The following AFF2 variants were observed in gnomAD, a reference collection of about 807,000 sequenced individuals.
AFF2 encodes ALF transcription elongation factor 2.
Under a neutral mutation model 76.9 loss-of-function variants are expected in AFF2, and 14 were observed. The ratio of observed to expected loss-of-function variants is 0.18; its 90% CI spans 0.12 to 0.28. The LOEUF is 0.28. Among genes scored for constraint, AFF2 ranks in the 10% least tolerant of loss-of-function variants. The pLI is 1.00. For synonymous variants in AFF2, 398 were observed against 366.7 expected (o/e 1.09, Z -0.98); for missense variants, 868 against 1,001.1 (o/e 0.87, Z 1.79).
intron 7 of AFF2, among the ~76,000 whole-genome samples, chrX:148,845,969 A>G (rs1029997943): frequency 8.9e-6 from 1 of 111,950 alleles, no homozygotes; most frequent in Non-Finnish European, 1.9e-5. Flanking sequence ...CAAAATGCAG[A>G]TCTTCCATTG....
intron 9 of AFF2, among the ~76,000 whole-genome samples, chrX:148,932,674 C>T (rs1170726975): frequency 9.0e-6 from 1 of 111,601 alleles, no homozygotes; most frequent in Non-Finnish European, 1.9e-5. Context: ...GTGAAGTACT[C>T]AACCCCCCTA....
chrX:148,894,455 T>G (rs1258892716), intron 8 of AFF2, among the ~76,000 whole-genome samples: 2 of 111,827 alleles, frequency 1.8e-5, no homozygotes, highest in Non-Finnish European at 3.8e-5. Context: ...CAGAAGAGTT[T>G]CCAAATTTGA....
At chrX:148,664,898 T>C (rs922007882) in intron 3 of AFF2, among the ~76,000 whole-genome samples, 1 of 112,701 alleles carries the variant, frequency 8.9e-6, no homozygotes, top group African/African-American at 3.2e-5. Flanking sequence ...TGTTCTGTCA[T>C]TGAGAAATCC....
intron 1 of AFF2, among the ~76,000 whole-genome samples, chrX:148,534,374 C>A (rs782232740): frequency 6.2e-5 from 7 of 112,603 alleles, no homozygotes; most frequent in Non-Finnish European, 1.3e-4. Context: ...GGTGAAAGTT[C>A]TTTGGAATAT....
At chrX:148,854,479 G>A (rs1557275721) in intron 7 of AFF2, among the ~76,000 whole-genome samples, 1 of 111,510 alleles carries the variant, frequency 9.0e-6, no homozygotes, top group Admixed American at 9.5e-5. Context: ...GATACTAAGA[G>A]AAGATACTGC....
At chrX:148,672,812 T>A (rs1159825615) in intron 3 of AFF2, among the ~76,000 whole-genome samples, 3 of 111,768 alleles carry the variant, frequency 2.7e-5, no homozygotes, top group African/African-American at 6.5e-5. Flanking sequence ...AGTTTTTGTG[T>A]CTTTAGTGGG....
intron 7 of AFF2, among the ~76,000 whole-genome samples, chrX:148,849,021 G>C (rs1285127445): frequency 9.0e-6 from 1 of 111,378 alleles, no homozygotes; most frequent in Non-Finnish European, 1.9e-5. Flanking sequence ...TCCTTGAGAA[G>C]AGTAATCAGA....
At chrX:148,582,270 C>T (rs1487203888) in intron 1 of AFF2, among the ~76,000 whole-genome samples, 6 of 111,014 alleles carry the variant, frequency 5.4e-5, no homozygotes, top group African/African-American at 1.6e-4. Flanking sequence ...AAGCTTGTCA[C>T]GATAATGCCA....
intron 3 of AFF2, among the ~76,000 whole-genome samples, chrX:148,767,796 TAA>T (rs1469744083): frequency 6.2e-4 from 70 of 112,371 alleles, no homozygotes; most frequent in African/African-American, 2.2e-3. Flanking sequence ...TTAATGCTTT[TAA>T]ATTAGCAATA....
chrX:148,535,311 A>T (rs1557236420), intron 1 of AFF2, among the ~76,000 whole-genome samples: 1 of 112,128 alleles, frequency 8.9e-6, no homozygotes, highest in African/African-American at 3.2e-5. Context: ...TTCCTTACAA[A>T]ACAGTTTTTT....
chrX:148,721,316 T>A (rs1326342467), intron 3 of AFF2, among the ~76,000 whole-genome samples: 2 of 112,110 alleles, frequency 1.8e-5, no homozygotes, highest in Non-Finnish European at 1.9e-5. Flanking sequence ...CAACACTGGC[T>A]CTACCATTTA....
intron 4 of AFF2, among the ~76,000 whole-genome samples, chrX:148,821,202 A>G (rs2070323886): frequency 9.0e-6 from 1 of 111,683 alleles, no homozygotes; most frequent in African/African-American, 3.3e-5. Context: ...AAAGTGAGAT[A>G]ATATGCCCTA....
At chrX:148,515,507 G>T (rs2052525585) in intron 1 of AFF2, among the ~76,000 whole-genome samples, 1 of 111,881 alleles carries the variant, frequency 8.9e-6, no homozygotes, top group African/African-American at 3.3e-5. Flanking sequence ...CTGATACTTT[G>T]TATCCCTCCA....
In AFF2 at chrX:148,860,934, A is replaced by G. The variant is rs1204648547; in HGVS notation, c.1262+17501A>G. Among the ~76,000 whole-genome samples, 3 of 111,804 alleles carry G rather than the reference A, an allele frequency of 2.7e-5. No homozygotes were observed. The Admixed American group carries it at 2.9e-4, about 11-fold the overall frequency. ...CATAAGGTAATTCTGAAGTGGTTGT[A>G]CAGAGTTAATCCTGGGTCTTTTATT... On this transcript the variant is annotated intron_variant, in intron 7 of 20. Coordinates refer to ENST00000370460, the MANE Select transcript of AFF2 (RefSeq NM_002025.4).
At position 148,838,597 on chromosome X, in the gene AFF2, G is replaced by A. The variant is rs182820717; in HGVS notation, c.1173+864G>A. ...AAGAAGGGGCCAAGAGAAGAATACC[G>A]CATGCATAAGACTAGTGTGAGCAAG... On this transcript the variant is annotated intron_variant, in intron 5 of 20. Coordinates refer to ENST00000370460, the MANE Select transcript of AFF2 (RefSeq NM_002025.4). Among the ~76,000 whole-genome samples the A allele has an allele frequency of 9.1e-4, 102 of 111,702 alleles. 4 individuals are homozygous for A. In the South Asian group the frequency reaches 0.036, roughly 39 times the overall value.
chrX:148,580,727 A>T (rs1429543730), intron 1 of AFF2, among the ~76,000 whole-genome samples: 6 of 80,337 alleles, frequency 7.5e-5, no homozygotes, highest in African/African-American at 2.6e-4. Context: ...TTATATATAT[A>T]TATGTGTGTG....
chrX:148,631,689 G>C (rs1475718446), intron 1 of AFF2, among the ~76,000 whole-genome samples: 1 of 112,521 alleles, frequency 8.9e-6, no homozygotes, highest in Non-Finnish European at 1.9e-5. Flanking sequence ...TTGAAAGGCA[G>C]GGGGAGGAGG....
intron 4 of AFF2, among the ~76,000 whole-genome samples, chrX:148,833,734 A>T (rs2124662819): frequency 8.9e-6 from 1 of 112,225 alleles, no homozygotes; most frequent in African/African-American, 3.2e-5. Flanking sequence ...TGTCTGTGAA[A>T]AGGGTGTGAG....
intron 1 of AFF2, among the ~76,000 whole-genome samples, chrX:148,585,542 T>C (rs1213386000): frequency 1.8e-5 from 2 of 111,409 alleles, no homozygotes; most frequent in Non-Finnish European, 3.8e-5. Flanking sequence ...AAGATGTAAT[T>C]TAAGAAGACT....
Sources: allele counts gnomAD v4.1 joint callset (sites outside exome capture counted in the v4.1 genomes callset), GRCh38; gene constraint gnomAD v4.1.1; transcripts MANE v1.5; gene names NCBI Gene and HGNC (gene_info 2026-07-23, HGNC 2026-07-21).